VPS13C: variants seen among roughly 807,000 people sequenced by gnomAD.
VPS13C encodes the protein vacuolar protein sorting 13 homolog C, also known as intermembrane lipid transfer protein VPS13C.
Under a neutral mutation model 456.8 loss-of-function variants are expected in VPS13C, and 358 were observed. The ratio of observed to expected loss-of-function variants is 0.78; its 90% CI spans 0.72 to 0.86. The LOEUF is 0.86. Ranked by LOEUF, VPS13C falls within the 40% of genes least tolerant of loss-of-function variation. VPS13C has a pLI of 0.00. For synonymous variants in VPS13C, 1,578 were observed against 1,486.7 expected (o/e 1.06, Z -1.41); for missense variants, 4,818 against 4,385.4 (o/e 1.10, Z -2.79).
chr15:61,899,402 T>C (rs998935100), intron 66 of VPS13C, among the ~76,000 whole-genome samples: 11 of 150,980 alleles, frequency 7.3e-5, no homozygotes, highest in South Asian at 2.1e-4. Flanking sequence ...ATAGACGCAA[T>C]AAAAAATGAT....
Position 61,902,496 on chromosome 15 carries a change from A to C in VPS13C, c.9105+4768T>G, listed in dbSNP as rs2043031315. Among the ~76,000 whole-genome samples, 6 of 152,134 alleles carry C rather than the reference A, an allele frequency of 3.9e-5. 2 individuals are homozygous for C. In the South Asian group the frequency reaches 1.2e-3, roughly 32 times the overall value. On this transcript the variant is annotated intron_variant, in intron 66 of 84. Transcript: ENST00000644861. Reference sequence around the variant, plus strand: ...ATGCAGTAACACATTAAAAAGATCCATCACTAGGGTCAAATGAGATTCATC... The same window carrying C: ...ATGCAGTAACACATTAAAAAGATCCCTCACTAGGGTCAAATGAGATTCATC...
At chr15:61,905,397 T>C (rs113845423) in intron 66 of VPS13C, among the ~76,000 whole-genome samples, 6 of 152,180 alleles carry the variant, frequency 3.9e-5, no homozygotes, top group African/African-American at 1.2e-4. Context: ...TGTAAAAAAC[T>C]TACAGTTAAA....
intron 61 of VPS13C, 104 bp from the exon 62 acceptor site, chr15:61,913,519 G>A: frequency 2.2e-6 from 2 of 918,008 alleles, no homozygotes; most frequent in South Asian, 1.7e-5. Flanking sequence ...TAGTACCGTG[G>A]GACACAGAAA....
Position 61,964,799 on chromosome 15 carries a change from G to A in VPS13C, c.3114C>T (p.Tyr1038=), listed in dbSNP as rs753705487. 6.2e-7 allele frequency: 1 copy of A among 1,611,842 alleles called. No homozygotes were observed. Among genetic ancestry groups the A allele is most frequent in the African/African-American group, 1.3e-5 (1 of 74,808 alleles). ...QTQALVASIN[Y]LTTIIPSDDQ... Reference sequence around the variant, plus strand: ...CATCAGATGGAATAATGGTTGTGAGGTAATTAATAGAAGCGACAAGAGCTT... The same window carrying A: ...CATCAGATGGAATAATGGTTGTGAGATAATTAATAGAAGCGACAAGAGCTT... Residue 1038 remains tyrosine (Y), a synonymous_variant, in exon 31 of 85, where the codon TAC becomes TAT. Transcript: ENST00000644861.
At chr15:62,038,803 A>G (rs537638037) in intron 3 of VPS13C, among the ~76,000 whole-genome samples, 1 of 152,170 alleles carries the variant, frequency 6.6e-6, no homozygotes, top group Non-Finnish European at 1.5e-5. Context: ...ATAAACAAAC[A>G]TTTCTCAGAA....
At chr15:61,960,998 T>C (rs2140317084) in intron 35 of VPS13C, among the ~76,000 whole-genome samples, 1 of 151,802 alleles carries the variant, frequency 6.6e-6, no homozygotes, top group South Asian at 2.1e-4. Flanking sequence ...GGAGAATCAC[T>C]TGAATCCAGG....
chr15:61,968,655 C>T (rs2045454012), intron 28 of VPS13C, among the ~76,000 whole-genome samples: 1 of 152,050 alleles, frequency 6.6e-6, no homozygotes, highest in Non-Finnish European at 1.5e-5. Flanking sequence ...TCTGAAAGAA[C>T]TAACTTTACA....
chr15:61,903,012 C>G (rs1215766545), intron 66 of VPS13C, among the ~76,000 whole-genome samples: 2 of 151,350 alleles, frequency 1.3e-5, no homozygotes, highest in African/African-American at 4.9e-5. Flanking sequence ...GGTAAAGTTG[C>G]AGGACGCAAA....
rs565947492 is a variant in VPS13C, at chr15:61,868,090, T to C, written c.10863+569A>G. The C allele has an allele frequency of 8.7e-5, 55 of 630,496 alleles. 1 individual carries two copies. In the South Asian group the frequency reaches 1.1e-3, roughly 13 times the overall value. 39.1% of individuals were successfully genotyped at this position (630,496 alleles called of 1,614,324 possible). On this transcript the variant is annotated intron_variant, in intron 81 of 84. Transcript: ENST00000644861. The stretch of plus-strand genomic sequence containing the variant: ...GTCAAGGTAGAAAAATATTAATACA[T>C]TTCTTTTGGGGGAAAGCCTGTCATG...
At chr15:61,898,138 C>T (rs999791500) in intron 66 of VPS13C, among the ~76,000 whole-genome samples, 10 of 152,056 alleles carry the variant, frequency 6.6e-5, no homozygotes, top group African/African-American at 2.2e-4. Flanking sequence ...GTACCAGCCG[C>T]TGCAAAATCA....
At chr15:61,996,896 C>CAT (rs1341252568) in intron 16 of VPS13C, among the ~76,000 whole-genome samples, 15 of 129,412 alleles carry the variant, frequency 1.2e-4, no homozygotes, top group East Asian at 8.8e-4. Flanking sequence ...CACACACACA[C>CAT]ATATATATAT....
At chr15:61,868,520 A>C in intron 81 of VPS13C, 139 bp downstream of exon 81, 2 of 744,704 alleles carry the variant, frequency 2.7e-6, no homozygotes, top group South Asian at 3.5e-5. Flanking sequence ...ATGAAAAACA[A>C]TCAAATTCTA....
At chr15:61,912,044 T>G in intron 62 of VPS13C, 40 bp from the exon 63 acceptor site, 1 of 1,522,204 alleles carries the variant, frequency 6.6e-7, no homozygotes, top group Non-Finnish European at 8.8e-7. Context: ...GTTTATTCAA[T>G]GTCTTTGAAA....
chr15:62,016,054 C>T (rs1468833517), intron 9 of VPS13C, among the ~76,000 whole-genome samples: 1 of 140,426 alleles, frequency 7.1e-6, no homozygotes, highest in East Asian at 2.2e-4. Flanking sequence ...CTGCTCTGTT[C>T]TTCAATGCGA....
At chr15:61,986,301 A>G (rs959124428) in intron 18 of VPS13C, among the ~76,000 whole-genome samples, 1 of 152,174 alleles carries the variant, frequency 6.6e-6, no homozygotes, top group African/African-American at 2.4e-5. Context: ...AAAACAGAGC[A>G]TGTTAGCAAA....
chr15:62,037,141 A>T (rs2048027108), intron 3 of VPS13C, among the ~76,000 whole-genome samples: 1 of 136,486 alleles, frequency 7.3e-6, no homozygotes, highest in African/African-American at 2.7e-5. Flanking sequence ...ACCATTAGAA[A>T]ATCTCCTCCA....
At chr15:62,010,350 C>T in intron 13 of VPS13C, 122 bp downstream of exon 13, 1 of 1,075,182 alleles carries the variant, frequency 9.3e-7, no homozygotes, top group Non-Finnish European at 1.2e-6. Flanking sequence ...AATTTTTAAA[C>T]AGTCAAATCT....
Position 62,021,863 on chromosome 15 carries a change from C to A in VPS13C, c.625-1325G>T, listed in dbSNP as rs74668222. Among the ~76,000 whole-genome samples the A allele has an allele frequency of 1.0e-3, 158 of 151,948 alleles. 4 individuals carry two copies. The East Asian group carries it at 0.03, about 29-fold the overall frequency. ...CTCATTTGTTTTATTAAAGACAACC[C>A]TCAGTTGCTAATGTACTATCTACAA... On this transcript the variant is annotated intron_variant, in intron 8 of 84. Transcript: ENST00000644861.
At chr15:61,895,517 A>ATTC (rs2042781721) in intron 66 of VPS13C, among the ~76,000 whole-genome samples, 1 of 152,202 alleles carries the variant, frequency 6.6e-6, no homozygotes, top group African/African-American at 2.4e-5. Context: ...GAGACTTATA[A>ATTC]CAGTTGATAC....
Sources: gnomAD v4.1 joint callset for allele counts (sites outside exome capture counted in the v4.1 genomes callset) on GRCh38, gnomAD v4.1.1 for gene constraint, MANE v1.5 for transcripts, NCBI Gene and HGNC (gene_info 2026-07-23, HGNC 2026-07-21) for gene names.